Variants in LRMDA observed in about 807,000 individuals in gnomAD.
LRMDA encodes leucine-rich melanocyte differentiation-associated protein.
In LRMDA, 18 loss-of-function variants were observed where a neutral mutation model predicts 29.8. The observed-to-expected ratio is 0.60, with a 90% CI of 0.42 to 0.90. The LOEUF (loss-of-function observed/expected upper bound fraction) is 0.90. Ranked by LOEUF, LRMDA falls within the 40% of genes least tolerant of loss-of-function variation. The probability of loss-of-function intolerance (pLI) is 0.00; values close to 1 mark genes in which losing one functional copy is unlikely to be tolerated. For missense variants in LRMDA, 273 were observed against 273.9 expected, an observed-to-expected ratio of 1.00 and a Z score of 0.02; for synonymous variants, 125 against 109.4, an observed-to-expected ratio of 1.14 and a Z score of -0.89.
At chr10:76,105,863 C>G (rs1443544822) in intron 5 of LRMDA, among the ~76,000 whole-genome samples, 1 of 152,216 alleles carries the variant, frequency 6.6e-6, no homozygotes, top group Non-Finnish European at 1.5e-5. Flanking sequence ...TCTCCTGTCT[C>G]AGCCTCCTGA....
intron 2 of LRMDA, among the ~76,000 whole-genome samples, chr10:75,550,340 T>A (rs1378248327): frequency 1.3e-5 from 2 of 152,148 alleles, no homozygotes; most frequent in East Asian, 3.8e-4. Context: ...TTCAGTTTGA[T>A]CAGATTTTTC....
At position 75,441,843 on chromosome 10, in the gene LRMDA, C is replaced by T. The variant is rs75491373; in HGVS notation, c.131+3349C>T. On this transcript the variant is annotated intron_variant, in intron 2 of 6. Transcript: ENST00000611255. ...AATACCTTGATAAATAAAAACTTTG[C>T]ACTCCTCTAGGTTGCAAGATCAGCT... Among the ~76,000 whole-genome samples the T allele has an allele frequency of 4.9e-3, 749 of 152,016 alleles. 10 individuals are homozygous for T. Among genetic ancestry groups the T allele is most frequent in the African/African-American group, 0.017 (717 of 41,406 alleles).
intron 6 of LRMDA, among the ~76,000 whole-genome samples, chr10:76,362,250 C>T (rs1290174117): frequency 5.3e-5 from 8 of 152,140 alleles, no homozygotes; most frequent in Non-Finnish European, 1.2e-4. Context: ...CAAATGTGAT[C>T]GTGATTTTTG....
chr10:76,164,590 A>G (rs1850701588), intron 5 of LRMDA, among the ~76,000 whole-genome samples: 1 of 152,240 alleles, frequency 6.6e-6, no homozygotes, highest in Non-Finnish European at 1.5e-5. Flanking sequence ...TGTGGTCTGC[A>G]AAGAATGAAA....
At position 75,936,376 on chromosome 10, in the gene LRMDA, G is replaced by A. The variant is rs114548980; in HGVS notation, c.132-99632G>A. ...TCATCTTTAAAATGGAGAAATTCTG[G>A]AGGGAAAAGGTTTCTGACATTCTCT... On this transcript the variant is annotated intron_variant, in intron 2 of 6. Transcript: ENST00000611255. Among the ~76,000 whole-genome samples, 141 of 152,248 alleles carry A rather than the reference G, an allele frequency of 9.3e-4. 1 individual carries two copies. The highest frequency in any genetic ancestry group is 3.1e-3 in the African/African-American group (129 of 41,542).
chr10:75,577,646 G>A (rs1162902378), intron 2 of LRMDA, among the ~76,000 whole-genome samples: 1 of 152,104 alleles, frequency 6.6e-6, no homozygotes, highest in Non-Finnish European at 1.5e-5. Flanking sequence ...GAGAAAGGTC[G>A]GGTTACCCAC....
At chr10:75,838,465 T>C (rs556985022) in intron 2 of LRMDA, among the ~76,000 whole-genome samples, 1 of 152,328 alleles carries the variant, frequency 6.6e-6, no homozygotes. Flanking sequence ...TTTCTTAACA[T>C]ATTTTCATAT....
At chr10:75,991,055 GTAGACT>G (rs542390095) in intron 2 of LRMDA, among the ~76,000 whole-genome samples, 129 of 152,266 alleles carry the variant, frequency 8.5e-4, no homozygotes, top group African/African-American at 2.9e-3. Flanking sequence ...GGTAAACAGT[GTAGACT>G]TAGAATTGTA....
chr10:75,772,801 G>C (rs942480973), intron 2 of LRMDA, among the ~76,000 whole-genome samples: 1 of 136,932 alleles, frequency 7.3e-6, no homozygotes, highest in Admixed American at 8.4e-5. Flanking sequence ...TGCAGGACTA[G>C]AGCACATTTC....
chr10:75,953,898 G>A (rs1015059662), intron 2 of LRMDA, among the ~76,000 whole-genome samples: 1 of 152,156 alleles, frequency 6.6e-6, no homozygotes, highest in Admixed American at 6.5e-5. Context: ...TCTTAAAAAG[G>A]GGGATTATCC....
intron 5 of LRMDA, among the ~76,000 whole-genome samples, chr10:76,251,057 C>A (rs1852470169): frequency 6.6e-6 from 1 of 152,054 alleles, no homozygotes; most frequent in African/African-American, 2.4e-5. Flanking sequence ...CATTGGCCTG[C>A]TGAGAAAAAC....
intron 6 of LRMDA, among the ~76,000 whole-genome samples, chr10:76,552,574 A>G (rs1050876183): frequency 6.6e-6 from 1 of 152,352 alleles, no homozygotes; most frequent in African/African-American, 2.4e-5. Flanking sequence ...GGAAAATGCC[A>G]AATCACCTAT....
chr10:76,051,699 A>G (rs1481312158), intron 4 of LRMDA, among the ~76,000 whole-genome samples: 1 of 152,228 alleles, frequency 6.6e-6, no homozygotes, highest in African/African-American at 2.4e-5. Flanking sequence ...AAAGAGGCTT[A>G]GACATCATTT....
chr10:76,364,805 A>G (rs1006983159), intron 6 of LRMDA, among the ~76,000 whole-genome samples: 1 of 151,504 alleles, frequency 6.6e-6, no homozygotes, highest in Non-Finnish European at 1.5e-5. Flanking sequence ...CCCATCACCC[A>G]TGTATACACT....
intron 2 of LRMDA, among the ~76,000 whole-genome samples, chr10:75,858,347 C>T (rs1844862514): frequency 6.6e-6 from 1 of 152,218 alleles, no homozygotes; most frequent in Non-Finnish European, 1.5e-5. Context: ...TCTGCTCCTT[C>T]TGGTACCTGT....
At chr10:75,949,929 A>G (rs1589263925) in intron 2 of LRMDA, among the ~76,000 whole-genome samples, 1 of 152,216 alleles carries the variant, frequency 6.6e-6, no homozygotes, top group East Asian at 1.9e-4. Flanking sequence ...TGCTAGTGTC[A>G]TGACGTTTTC....
chr10:76,265,519 T>C (rs1839995324), intron 5 of LRMDA, among the ~76,000 whole-genome samples: 1 of 152,152 alleles, frequency 6.6e-6, no homozygotes, highest in African/African-American at 2.4e-5. Context: ...AGTGGGATCA[T>C]TCTCGGGAAG....
At chr10:75,983,952 G>A (rs1411857052) in intron 2 of LRMDA, among the ~76,000 whole-genome samples, 3 of 152,114 alleles carry the variant, frequency 2.0e-5, no homozygotes, top group African/African-American at 7.2e-5. Flanking sequence ...ACCACGCCCG[G>A]CCCCCAGTGT....
Position 75,431,683 on chromosome 10 carries a change from C to T in LRMDA, c.-42C>T, listed in dbSNP as rs55922628. Reference sequence around the variant, plus strand: ...CGCGCTCCCCGCTGCTGCCGCCGCGCCCCCGCGCTCCGTCCCGCGCGCCCG... The same window carrying T: ...CGCGCTCCCCGCTGCTGCCGCCGCGTCCCCGCGCTCCGTCCCGCGCGCCCG... On this transcript the variant is annotated 5_prime_UTR_variant, in exon 1 of 7. Coordinates refer to ENST00000611255, the MANE Select transcript of LRMDA (RefSeq NM_001305581.2). The T allele has an allele frequency of 7.9e-7, 1 of 1,266,974 alleles. No individual in the cohort carries two copies. The highest frequency in any genetic ancestry group is 1.6e-5 in the African/African-American group (1 of 64,048). 78.5% of individuals were successfully genotyped at this position (1,266,974 alleles called of 1,614,324 possible).
Sources: gnomAD v4.1 joint callset for allele counts (sites outside exome capture counted in the v4.1 genomes callset) on GRCh38, gnomAD v4.1.1 for gene constraint, MANE v1.5 for transcripts, NCBI Gene and HGNC (gene_info 2026-07-23, HGNC 2026-07-21) for gene names.